Variants in PAX9 observed in about 807,000 individuals in gnomAD.
PAX9 encodes paired box protein Pax-9.
PAX9 carries 6 observed loss-of-function variants against 29.1 expected under a neutral mutation model. That is an observed-to-expected ratio of 0.21 (90% CI 0.11 to 0.41). The LOEUF is 0.41. Among genes scored for constraint, PAX9 ranks in the 10% least tolerant of loss-of-function variants. The pLI is 1.00. For synonymous variants in PAX9, 217 were observed against 211.7 expected (o/e 1.03, Z -0.22); for missense variants, 443 against 479.1 (o/e 0.92, Z 0.70).
Position 36,676,256 on chromosome 14 carries a change from A to T in PAX9, c.830A>T (p.Tyr277Phe). ...GTGTCAGCATCCAGCATGGCTCCTT[A>T]CCCTACCCCAGCCCAAGTGTCGCCT... ...SFVSASSMAP[Y>F]PTPAQVSPYM... Residue 277 changes from tyrosine (Y) to phenylalanine (F), a missense_variant, in exon 4 of 4, where the codon TAC becomes TTC. Physicochemically the swap from Tyr to Phe is conservative, Grantham distance 22 (BLOSUM62 3). Around this residue, in one of 2 missense-constraint regions of PAX9, gnomAD observed 336 missense variants for 317.2 expected, o/e 1.06. Transcript: ENST00000361487. The T allele has an allele frequency of 2.5e-6, 4 of 1,613,934 alleles. No homozygotes were observed. The highest frequency in any genetic ancestry group is 3.4e-6 in the Non-Finnish European group (4 of 1,179,978).
At chr14:36,663,592 A>T in intron 2 of PAX9, 69 bp downstream of exon 2, 2 of 1,585,138 alleles carry the variant, frequency 1.3e-6, no homozygotes, top group Non-Finnish European at 1.7e-6. Context: ...AGGTCCCAGT[A>T]TCTGCAGCCT....
chr14:36,679,016 A>C lies in PAX9; in HGVS notation c.*2564A>C. On this transcript the variant is annotated 3_prime_UTR_variant, in exon 4 of 4. Coordinates refer to ENST00000361487, the MANE Select transcript of PAX9 (RefSeq NM_001372076.1). ...CATAGATGGTAAAAGTGTTGCTTTT[A>C]AACTGGCAAATGCACTCTTCAGAAA... 1.2e-6 allele frequency: 1 copy of C among 864,530 alleles called. No homozygotes were observed. Among genetic ancestry groups the C allele is most frequent in the Non-Finnish European group, 1.3e-6 (1 of 778,488 alleles). The allele number at this position is 864,530 out of a possible 1,614,324, so 53.6% of individuals were successfully genotyped here.
rs1302711614 is a variant in PAX9 at position 36,662,961 on chromosome 14, C to A, written c.69C>A (p.Asn23Lys). 1 of 1,613,430 alleles carries A rather than the reference C, an allele frequency of 6.2e-7. No homozygotes were observed. Among genetic ancestry groups the A allele is most frequent in the Non-Finnish European group, 8.5e-7 (1 of 1,179,934 alleles). The change falls in exon 2 of 4, where the codon AAC becomes AAA. Residue 23 changes from asparagine (N) to lysine (K), a missense_variant. By Grantham distance (94) the Asn-to-Lys change is moderately conservative. This residue lies in a region of PAX9 where 107 missense variants were observed against 161.9 expected (regional missense o/e 0.66). Coordinates refer to ENST00000361487, the MANE Select transcript of PAX9 (RefSeq NM_001372076.1). ...TCGTGAACGGGAGGCCGCTGCCCAA[C>A]GCCATCCGGCTTCGCATCGTGGAAC... The part of the protein sequence containing the change: ...GVFVNGRPLP[N>K]AIRLRIVELA...
At position 36,661,953 on chromosome 14, in the gene PAX9, T is replaced by A. The variant is rs1881284644; in HGVS notation, c.-137T>A. The A allele has an allele frequency of 9.7e-7, 1 of 1,035,300 alleles. No individual in the cohort carries two copies. The highest frequency in any genetic ancestry group is 1.6e-5 in the African/African-American group (1 of 63,208). 64.1% of individuals were successfully genotyped at this position (1,035,300 alleles called of 1,614,324 possible). On this transcript the variant is annotated 5_prime_UTR_variant, in exon 1 of 4. Transcript: ENST00000361487. ...CCTTTTACTTCTTCCTTTTGCCCTC[T>A]CGCCTCCTCCTCCTGGGAAGAAGCG... is the stretch of plus-strand genomic sequence containing the variant.
upstream of PAX9, among the ~76,000 whole-genome samples, chr14:36,659,783 T>C (rs771829445): frequency 4.9e-4 from 74 of 151,980 alleles, 1 homozygote; most frequent in Admixed American, 2.6e-4. Context: ...GCTGAAGGAG[T>C]TGGTAGGAAC....
chr14:36,671,318 C>T (rs1881685432), intron 3 of PAX9, among the ~76,000 whole-genome samples: 1 of 152,024 alleles, frequency 6.6e-6, no homozygotes, highest in South Asian at 2.1e-4. Context: ...ATTTGCCATA[C>T]CAGTTTTATG....
chr14:36,667,039 C>A (rs1594470123), intron 3 of PAX9, among the ~76,000 whole-genome samples: 1 of 152,180 alleles, frequency 6.6e-6, no homozygotes, highest in East Asian at 1.9e-4. Flanking sequence ...CCGCGAAACG[C>A]GCGCCCCGGG....
rs930013737 is a variant in PAX9, at chr14:36,678,928, A to G, written c.*2476A>G. ...TTTAAAATACGAGAAGGAAAATAGGATGGATTAAAGGGTTAACTTTTAAAG... is the reference window on the plus strand; with the variant it reads ...TTTAAAATACGAGAAGGAAAATAGGGTGGATTAAAGGGTTAACTTTTAAAG... On this transcript the variant is annotated 3_prime_UTR_variant, in exon 4 of 4. Coordinates refer to ENST00000361487, the MANE Select transcript of PAX9 (RefSeq NM_001372076.1). The G allele has an allele frequency of 1.5e-5, 15 of 980,280 alleles. No homozygotes were observed. The African/African-American group carries it at 2.4e-4, about 16-fold the overall frequency. The allele number at this position is 980,280 out of a possible 1,614,324, so 60.7% of individuals were successfully genotyped here.
At chr14:36,665,045 C>T (rs1881434662) in intron 2 of PAX9, among the ~76,000 whole-genome samples, 1 of 151,868 alleles carries the variant, frequency 6.6e-6, no homozygotes, top group African/African-American at 2.4e-5. Context: ...AAGCTTGTGC[C>T]CACCGACTGC....
At chr14:36,667,683 C>G (rs1881557961) in intron 3 of PAX9, among the ~76,000 whole-genome samples, 1 of 152,218 alleles carries the variant, frequency 6.6e-6, no homozygotes, top group African/African-American at 2.4e-5. Flanking sequence ...TCCACTTCCT[C>G]TTCCCTCTCT....
At position 36,670,600 on chromosome 14, in the gene PAX9, G is replaced by C. The variant is rs571776031; in HGVS notation, c.771+3999G>C. Among the ~76,000 whole-genome samples the C allele has an allele frequency of 3.2e-4, 49 of 152,098 alleles. No homozygotes were observed. The South Asian group carries it at 9.9e-3, about 31-fold the overall frequency. On this transcript the variant is annotated intron_variant, in intron 3 of 3. Coordinates refer to ENST00000361487, the MANE Select transcript of PAX9 (RefSeq NM_001372076.1). Reference sequence around the variant, plus strand: ...AAATAAGTTATGATTTATAGACAATGAAATCTTAGGCAAATGCCAGCAGAG... The same window carrying C: ...AAATAAGTTATGATTTATAGACAATCAAATCTTAGGCAAATGCCAGCAGAG...
chr14:36,670,441 A>G (rs1881658768), intron 3 of PAX9, among the ~76,000 whole-genome samples: 1 of 152,090 alleles, frequency 6.6e-6, no homozygotes, highest in Non-Finnish European at 1.5e-5. Flanking sequence ...AAGTGAAGAT[A>G]GTCTTCTAGA....
At position 36,676,530 on chromosome 14, in the gene PAX9, T is replaced by C. The variant is rs1336271230; in HGVS notation, c.*78T>C. ...CCTCCCCCAATTCCCAGGTCTCACA[T>C]CCCACCCCTCCTGCCCTCCAACCCT... is the stretch of plus-strand genomic sequence containing the variant. On this transcript the variant is annotated 3_prime_UTR_variant, in exon 4 of 4. Coordinates refer to ENST00000361487, the MANE Select transcript of PAX9 (RefSeq NM_001372076.1). 3.3e-6 allele frequency: 5 copies of C among 1,523,848 alleles called. No homozygotes were observed. Among genetic ancestry groups the C allele is most frequent in the Non-Finnish European group, 4.5e-6 (5 of 1,118,338 alleles). The allele number at this position is 1,523,848 out of a possible 1,614,324, so 94.4% of individuals were successfully genotyped here. A position where few individuals can be genotyped will look rare whatever the true frequency, so the allele number is the denominator to read the frequency against.
chr14:36,658,997 C>T (rs1209080455), upstream of PAX9, among the ~76,000 whole-genome samples: 1 of 152,198 alleles, frequency 6.6e-6, no homozygotes, highest in Non-Finnish European at 1.5e-5. Flanking sequence ...CACTCTCGGC[C>T]CGGCTTCCAG....
chr14:36,657,752 T>A (rs1439456865), upstream of PAX9: 1 of 152,150 alleles, frequency 6.6e-6, no homozygotes, highest in East Asian at 1.9e-4. Flanking sequence ...GCGGAGAGAC[T>A]CTTGAACCGT....
In PAX9 at chr14:36,678,494, A is replaced by AAAT; in HGVS notation, c.*2044_*2046dup. On this transcript the variant is annotated 3_prime_UTR_variant, in exon 4 of 4. Coordinates refer to ENST00000361487, the MANE Select transcript of PAX9 (RefSeq NM_001372076.1). Reference sequence around the variant, plus strand: ...ATCTGGAGTTCCCAGTCTGGTGAGAAAATAGACTATAAACTGAATGGAACA... The same window carrying AAAT: ...ATCTGGAGTTCCCAGTCTGGTGAGAAAATAATAGACTATAAACTGAATGGAACA... 9.1e-6 allele frequency: 14 copies of AAAT among 1,537,008 alleles called. No individual in the cohort carries two copies. The highest frequency in any genetic ancestry group is 1.2e-5 in the Non-Finnish European group (14 of 1,146,722).
intron 3 of PAX9, among the ~76,000 whole-genome samples, chr14:36,667,378 AT>A (rs1443180101): frequency 6.6e-6 from 1 of 151,788 alleles, no homozygotes; most frequent in Non-Finnish European, 1.5e-5. Context: ...AAAGCCCCAG[AT>A]TTAAGTCTAA....
chr14:36,663,697 C>T (rs1881380635), intron 2 of PAX9, among the ~76,000 whole-genome samples, 174 bp downstream of exon 2: 2 of 152,224 alleles, frequency 1.3e-5, no homozygotes, highest in Non-Finnish European at 1.5e-5. Context: ...ACTTGAAACT[C>T]ATGCCCCTGG....
At chr14:36,673,281 A>G (rs1450359663) in intron 3 of PAX9, among the ~76,000 whole-genome samples, 3 of 152,200 alleles carry the variant, frequency 2.0e-5, no homozygotes, top group African/African-American at 7.2e-5. Context: ...TGTGGATTTA[A>G]GAGAACTTTG....
Sources: allele counts gnomAD v4.1 joint callset (sites outside exome capture counted in the v4.1 genomes callset), GRCh38; gene constraint gnomAD v4.1.1; regional missense constraint gnomAD v4.1.1; transcripts MANE v1.5; gene names NCBI Gene and HGNC (gene_info 2026-07-23, HGNC 2026-07-21).